Variants in SFMBT1 observed in about 807,000 individuals in gnomAD.
SFMBT1 encodes the protein scm-like with four MBT domains protein 1.
Under a neutral mutation model 108.7 loss-of-function variants are expected in SFMBT1, and 32 were observed. The observed-to-expected ratio is 0.29, with a 90% CI of 0.22 to 0.40. The LOEUF (loss-of-function observed/expected upper bound fraction) is 0.40. Ranked by LOEUF, SFMBT1 falls within the 10% of genes least tolerant of loss-of-function variation. SFMBT1 has a pLI of 1.00. For synonymous variants in SFMBT1, 348 were observed against 369.5 expected (o/e 0.94, Z 0.67); for missense variants, 816 against 1,059.6 (o/e 0.77, Z 3.19).
intron 17 of SFMBT1, among the ~76,000 whole-genome samples, chr3:52,908,279 G>A (rs185169440): frequency 2.0e-5 from 3 of 151,790 alleles, no homozygotes; most frequent in Admixed American, 1.3e-4. Context: ...TCACCATGTT[G>A]GCCAGGATGG....
At chr3:52,921,397 TGTTA>T (rs1262194177) in intron 11 of SFMBT1, among the ~76,000 whole-genome samples, 1 of 152,180 alleles carries the variant, frequency 6.6e-6, no homozygotes. Flanking sequence ...ATAAGCTAGG[TGTTA>T]ATGTCCATGC....
intron 1 of SFMBT1, among the ~76,000 whole-genome samples, chr3:52,981,529 ATTT>A (rs34406724): frequency 0.16 from 21,225 of 132,940 alleles, 1,710 homozygotes; most frequent in East Asian, 0.34. Context: ...TGCTCAGCTA[ATTT>A]TTTTTTTTTT....
chr3:52,927,311 C>G (rs934314290), intron 9 of SFMBT1, among the ~76,000 whole-genome samples: 2 of 152,192 alleles, frequency 1.3e-5, no homozygotes, highest in Non-Finnish European at 2.9e-5. Context: ...AAGCTCAATG[C>G]CTGGCTTACA....
chr3:52,975,759 G>A (rs1189398336), intron 1 of SFMBT1, among the ~76,000 whole-genome samples: 3 of 152,030 alleles, frequency 2.0e-5, no homozygotes, highest in African/African-American at 4.8e-5. Context: ...GTGCTACCAC[G>A]CCCGGCTACT....
At chr3:53,021,093 G>A (rs540817039) in intron 1 of SFMBT1, among the ~76,000 whole-genome samples, 113 of 152,214 alleles carry the variant, frequency 7.4e-4, no homozygotes, top group Non-Finnish European at 1.4e-3. Flanking sequence ...GTCCCCTATT[G>A]GCTACGTTGA....
At chr3:53,028,936 G>T (rs1247579769) in intron 1 of SFMBT1, among the ~76,000 whole-genome samples, 1 of 152,074 alleles carries the variant, frequency 6.6e-6, no homozygotes, top group Non-Finnish European at 1.5e-5. Context: ...ACTTTGGGAG[G>T]CCAAGACAGG....
Position 52,905,101 on chromosome 3 carries a change from T to G in SFMBT1, c.*35A>C. The stretch of plus-strand genomic sequence containing the variant: ...CAGGGTGAAGGATTTGCTGCATTTG[T>G]GCTTCAAAGATCCAGCTCACTTTGG... On this transcript the variant is annotated 3_prime_UTR_variant, in exon 21 of 21. Coordinates refer to ENST00000394752, the MANE Select transcript of SFMBT1 (RefSeq NM_016329.4). The G allele has an allele frequency of 6.2e-7, 1 of 1,609,652 alleles. No individual in the cohort carries two copies.
intron 1 of SFMBT1, among the ~76,000 whole-genome samples, chr3:52,986,808 C>T (rs757471856): frequency 7.1e-6 from 1 of 140,510 alleles, no homozygotes; most frequent in South Asian, 2.2e-4. Flanking sequence ...GGTGTGGTGG[C>T]GAGTGCCTGT....
intron 1 of SFMBT1, among the ~76,000 whole-genome samples, chr3:53,013,375 G>C (rs1300392205): frequency 1.3e-5 from 2 of 151,582 alleles, no homozygotes; most frequent in African/African-American, 4.9e-5. Context: ...ATTACGTCTT[G>C]AGTATAACTC....
At chr3:52,954,475 T>A in intron 2 of SFMBT1, 64 bp from the exon 3 acceptor site, 1 of 1,266,376 alleles carries the variant, frequency 7.9e-7, no homozygotes, top group South Asian at 1.3e-5. Context: ...GGTATAAAAA[T>A]ATAAACTTAA....
At chr3:52,990,383 C>G (rs1705080056) in intron 1 of SFMBT1, among the ~76,000 whole-genome samples, 1 of 152,162 alleles carries the variant, frequency 6.6e-6, no homozygotes, top group Non-Finnish European at 1.5e-5. Flanking sequence ...TTTTGTGACA[C>G]AGAGTCAGAT....
At position 52,918,913 on chromosome 3, in the gene SFMBT1, TG is replaced by T. The variant is rs376518286; in HGVS notation, c.1373-388del. Among the ~76,000 whole-genome samples, 969 of 151,524 alleles carry T rather than the reference TG, an allele frequency of 6.4e-3. 92 individuals carry two copies. The South Asian group carries it at 0.18, about 28-fold the overall frequency. On this transcript the variant is annotated intron_variant, in intron 12 of 20. Transcript: ENST00000394752. ...GACAATTTTTCCATGGACCAGGGGG[TG>T]GGGGGTCATTTCAGGATGAAACTGT...
chr3:53,038,720 C>T (rs1309900306), intron 1 of SFMBT1, among the ~76,000 whole-genome samples: 1 of 152,184 alleles, frequency 6.6e-6, no homozygotes, highest in Non-Finnish European at 1.5e-5. Context: ...ATCTAAAATA[C>T]AAAGCATTAA....
chr3:52,948,627 A>AATTATTATT (rs71087037), intron 3 of SFMBT1, among the ~76,000 whole-genome samples: 1 of 148,594 alleles, frequency 6.7e-6, no homozygotes. Flanking sequence ...GTTGCCTTAC[A>AATTATTATT]ATTATTATTA....
intron 1 of SFMBT1, among the ~76,000 whole-genome samples, chr3:53,004,987 A>G (rs888809926): frequency 6.6e-6 from 1 of 152,238 alleles, no homozygotes; most frequent in African/African-American, 2.4e-5. Flanking sequence ...ATAAAGTTTA[A>G]TAATTTTTTT....
intron 1 of SFMBT1, among the ~76,000 whole-genome samples, chr3:52,978,509 T>C (rs948010336): frequency 2.6e-5 from 4 of 151,966 alleles, no homozygotes; most frequent in African/African-American, 4.8e-5. Context: ...GTAAAGGCAA[T>C]GTTGGTGGGA....
At chr3:52,946,008 G>A (rs931112412) in intron 3 of SFMBT1, among the ~76,000 whole-genome samples, 6 of 152,084 alleles carry the variant, frequency 3.9e-5, no homozygotes, top group African/African-American at 1.2e-4. Context: ...ACCAATCAAA[G>A]TTTGCATCAG....
chr3:53,024,709 T>A (rs1196540217), intron 1 of SFMBT1, among the ~76,000 whole-genome samples: 1 of 152,204 alleles, frequency 6.6e-6, no homozygotes, highest in African/African-American at 2.4e-5. Flanking sequence ...AAATTCTGAA[T>A]ATATTTTGAA....
At chr3:52,952,158 A>C (rs953446308) in intron 3 of SFMBT1, among the ~76,000 whole-genome samples, 1 of 152,188 alleles carries the variant, frequency 6.6e-6, no homozygotes, top group Non-Finnish European at 1.5e-5. Context: ...GGAGATCGAG[A>C]CCATCCTGGC....
Sources: gnomAD v4.1 joint callset for allele counts (sites outside exome capture counted in the v4.1 genomes callset) on GRCh38, gnomAD v4.1.1 for gene constraint, MANE v1.5 for transcripts, NCBI Gene and HGNC (gene_info 2026-07-23, HGNC 2026-07-21) for gene names.